SELENON: variants seen among roughly 807,000 people sequenced by gnomAD.
The protein encoded by SELENON is selenoprotein N, 1.
A neutral mutation model predicts 59.5 loss-of-function variants in SELENON; 44 were observed. The ratio of observed to expected loss-of-function variants is 0.74; its 90% CI spans 0.58 to 0.95. The LOEUF (loss-of-function observed/expected upper bound fraction) is 0.95, where lower values mean the gene tolerates loss of function less well. Ranked by LOEUF, SELENON falls within the 40% of genes least tolerant of loss-of-function variation. The pLI, the probability that SELENON is intolerant of heterozygous loss-of-function variation, is 0.00. For synonymous variants in SELENON, 320 were observed against 305.6 expected (o/e 1.05, Z -0.49); for missense variants, 674 against 721.4 (o/e 0.93, Z 0.75).
In SELENON at chr1:25,807,350, TA is replaced by T. The variant is rs1160169609; in HGVS notation, c.538-1227del. 5.9e-5 allele frequency among the ~76,000 whole-genome samples: 9 copies of T among 152,202 alleles called. No homozygotes were observed. The highest frequency in any genetic ancestry group is 2.2e-4 in the African/African-American group (9 of 41,456). Reference sequence around the variant, plus strand: ...ACATTTTGTGGAATGAACAAATGAATAAACGTGTTCTTCTCAGCCAAGGAGA... The same window carrying T: ...ACATTTTGTGGAATGAACAAATGAATAACGTGTTCTTCTCAGCCAAGGAGA... On this transcript the variant is annotated intron_variant, in intron 4 of 12. Transcript: ENST00000361547. The surrounding 1 kb of genome is among the most constrained non-coding windows in gnomAD (Gnocchi z 4.5).
rs1303047006 is a variant in SELENON at position 25,811,676 on chromosome 1, T to C, written c.1093-15T>C. The C allele has an allele frequency of 4.3e-6, 7 of 1,611,562 alleles. No individual in the cohort carries two copies. Among genetic ancestry groups the C allele is most frequent in the South Asian group, 1.1e-5 (1 of 90,900 alleles). The stretch of plus-strand genomic sequence containing the variant: ...CATCTCTGAGCCTTCCCCCTACCAC[T>C]GACCTCTGGCCCAGATGGAGCTGGA... On this transcript the variant is annotated splice_polypyrimidine_tract_variant and intron_variant, in intron 8 of 12. Transcript: ENST00000361547.
chr1:25,806,852 C>T (rs956514339), intron 4 of SELENON, among the ~76,000 whole-genome samples: 5 of 138,644 alleles, frequency 3.6e-5, no homozygotes, highest in African/African-American at 5.4e-5. Flanking sequence ...GACGGAGTCT[C>T]GCTCTGTCGC....
chr1:25,802,871 G>T (rs955820823), intron 3 of SELENON, among the ~76,000 whole-genome samples: 1 of 152,164 alleles, frequency 6.6e-6, no homozygotes, highest in African/African-American at 2.4e-5. Context: ...TACCCAGATT[G>T]CCTGGTGTAA....
chr1:25,804,773 C>T (rs1488549903), intron 3 of SELENON, among the ~76,000 whole-genome samples: 1 of 151,782 alleles, frequency 6.6e-6, no homozygotes, highest in Non-Finnish European at 1.5e-5. Flanking sequence ...ACTCCGGTTC[C>T]CTTGACTGAG....
At chr1:25,806,393 G>A (rs762997991) in intron 4 of SELENON, among the ~76,000 whole-genome samples, 14 of 152,240 alleles carry the variant, frequency 9.2e-5, no homozygotes, top group Non-Finnish European at 1.3e-4. Flanking sequence ...TGTAGAATGG[G>A]GAGAAGTGGG....
intron 5 of SELENON, 81 bp from the exon 5 acceptor site, chr1:25,808,945 G>A (rs951335306): frequency 1.5e-5 from 24 of 1,609,098 alleles, no homozygotes; most frequent in South Asian, 9.9e-5. Flanking sequence ...CTGGGCCGTC[G>A]GGTCTGGGCT....
rs889870201 is a variant in SELENON, at chr1:25,801,084, C to G, written c.225C>G (p.Leu75=). The change falls in exon 2 of 13, where the codon CTC becomes CTG. Residue 75 remains leucine (L), a synonymous_variant. Coordinates refer to ENST00000361547, the MANE Select transcript of SELENON (RefSeq NM_020451.3). ...CCCTGGGGACAGATGGCCTTTTTCT[C>G]TTTTCCTCCTTGGACACTGACGGGG... 1.2e-6 allele frequency: 2 copies of G among 1,614,198 alleles called. No homozygotes were observed. The highest frequency in any genetic ancestry group is 1.7e-5 in the Admixed American group (1 of 60,028).
chr1:25,800,286 A>G lies in SELENON; in HGVS notation c.56A>G (p.Gln19Arg). 1 of 985,320 alleles carries G rather than the reference A, an allele frequency of 1.0e-6. No individual in the cohort carries two copies. The highest frequency in any genetic ancestry group is 4.4e-5 in the South Asian group (1 of 22,938). The allele number at this position is 985,320 out of a possible 1,614,324, so 61.0% of individuals were successfully genotyped here. The change falls in exon 1 of 13, where the codon CAG becomes CGG. Residue 19 changes from glutamine to arginine, a missense_variant. Coordinates refer to ENST00000361547, the MANE Select transcript of SELENON (RefSeq NM_020451.3). ...CCGCCCAGCCCCGGCCCCGCCGCGC[A>G]GCCTCCCGCGCCACCGCGCCGCCGC...
At position 25,808,007 on chromosome 1, in the gene SELENON, C is replaced by T. The variant is rs530158935; in HGVS notation, c.538-573C>T. Among the ~76,000 whole-genome samples, 6 of 152,314 alleles carry T rather than the reference C, an allele frequency of 3.9e-5. No homozygotes were observed. In the South Asian group the frequency reaches 1.2e-3, roughly 32 times the overall value. On this transcript the variant is annotated intron_variant, in intron 4 of 12. Transcript: ENST00000361547. ...CCCTGTGGTCTCATCCTGCTCTTGACCCTAGAGATTTCACCTCAAACATGA... is the reference window on the plus strand; with the variant it reads ...CCCTGTGGTCTCATCCTGCTCTTGATCCTAGAGATTTCACCTCAAACATGA...
At chr1:25,803,708 G>GTT (rs11410896) in intron 3 of SELENON, among the ~76,000 whole-genome samples, 28,644 of 149,720 alleles carry the variant, frequency 0.19, 3,355 homozygotes, top group Middle Eastern at 0.33. Flanking sequence ...TGTTTTTTTT[G>GTT]TTTTTTTGTT....
Position 25,815,868 on chromosome 1 carries a change from C to A in SELENON, c.*150C>A. 1 of 759,824 alleles carries A rather than the reference C, an allele frequency of 1.3e-6. No homozygotes were observed. The highest frequency in any genetic ancestry group is 2.1e-6 in the Non-Finnish European group (1 of 468,068). 47.1% of individuals were successfully genotyped at this position (759,824 alleles called of 1,614,324 possible). ...GATCCACTGAGGGTGGCCACCACAG[C>A]CTTGGCTCCATGGTGGCGGGTAGAC... On this transcript the variant is annotated 3_prime_UTR_variant, in exon 13 of 13. Transcript: ENST00000361547.
In SELENON at chr1:25,807,172, T is replaced by C. The variant is rs2047914999; in HGVS notation, c.538-1408T>C. On this transcript the variant is annotated intron_variant, in intron 4 of 12. Transcript: ENST00000361547. The surrounding 1 kb of genome is among the most constrained non-coding windows in gnomAD (Gnocchi z 4.5). The stretch of plus-strand genomic sequence containing the variant: ...CTTTCTTAACCTCATCGCTGCAGGT[T>C]CAGGGAGGGACAGAAATTCCAAGGA... Among the ~76,000 whole-genome samples the C allele has an allele frequency of 6.6e-6, 1 of 152,166 alleles. No homozygotes were observed. Among genetic ancestry groups the C allele is most frequent in the East Asian group, 1.9e-4 (1 of 5,154 alleles).
At position 25,818,013 on chromosome 1, in the gene SELENON, G is replaced by A. The variant is rs2048027354; in HGVS notation, c.*2295G>A. ...TGCGAGCCCTTCTCCTGCTGCTCTG[G>A]GAGGGCCAGTTCCACATTGAGCCAG... On this transcript the variant is annotated 3_prime_UTR_variant, in exon 13 of 13. Transcript: ENST00000361547. 6.6e-6 allele frequency: 1 copy of A among 152,386 alleles called. No homozygotes were observed. The highest frequency in any genetic ancestry group is 6.5e-5 in the Admixed American group (1 of 15,282). 9.4% of individuals were successfully genotyped at this position (152,386 alleles called of 1,614,324 possible).
Position 25,807,783 on chromosome 1 carries a change from GA to G in SELENON, c.538-795del, listed in dbSNP as rs1422028698. ...GCCAGGGAGGTGGCGACAGAAGAGG[GA>G]ATCTGCTGTTCCCCAAATGCTGGCC... On this transcript the variant is annotated intron_variant, in intron 4 of 12. Coordinates refer to ENST00000361547, the MANE Select transcript of SELENON (RefSeq NM_020451.3). The surrounding 1 kb of genome is among the most constrained non-coding windows in gnomAD (Gnocchi z 4.5). 6.6e-6 allele frequency among the ~76,000 whole-genome samples: 1 copy of G among 152,238 alleles called. No individual in the cohort carries two copies. The highest frequency in any genetic ancestry group is 1.5e-5 in the Non-Finnish European group (1 of 68,042).
Position 25,800,349 on chromosome 1 carries a change from C to A in SELENON, c.119C>A (p.Ala40Asp). ...GCGCTGCTCGGAGCCCTGCTGGCCGCCGCCGCTGCCGCCGCCGTCCGGGTC... is the reference window on the plus strand; with the variant it reads ...GCGCTGCTCGGAGCCCTGCTGGCCGACGCCGCTGCCGCCGCCGTCCGGGTC... The change falls in exon 1 of 13, where the codon GCC (alanine) becomes GAC (aspartate). Residue 40 changes from alanine to aspartate, a missense_variant. By Grantham distance (126) the Ala-to-Asp change is moderately radical (BLOSUM62 -2). Coordinates refer to ENST00000361547, the MANE Select transcript of SELENON (RefSeq NM_020451.3). The A allele has an allele frequency of 9.7e-7, 1 of 1,034,932 alleles. No individual in the cohort carries two copies. The highest frequency in any genetic ancestry group is 1.2e-6 in the Non-Finnish European group (1 of 863,864). 64.1% of individuals were successfully genotyped at this position (1,034,932 alleles called of 1,614,324 possible). A position where few individuals can be genotyped will look rare whatever the true frequency, so the allele number is the denominator to read the frequency against.
chr1:25,806,135 G>A (rs2047903680), intron 4 of SELENON, among the ~76,000 whole-genome samples: 1 of 152,220 alleles, frequency 6.6e-6, no homozygotes, highest in Non-Finnish European at 1.5e-5. Flanking sequence ...CACGAACAGA[G>A]GCCTGAAGGC....
intron 3 of SELENON, among the ~76,000 whole-genome samples, chr1:25,802,756 TA>T (rs2047871189): frequency 6.6e-6 from 1 of 152,242 alleles, no homozygotes. Context: ...TAATGAATTA[TA>T]AAACGCTTCT....
In SELENON at chr1:25,808,638, C is replaced by T. The variant is rs2047929987; in HGVS notation, c.596C>T (p.Ala199Val). The T allele has an allele frequency of 3.1e-6, 5 of 1,613,850 alleles. No homozygotes were observed. Among genetic ancestry groups the T allele is most frequent in the Non-Finnish European group, 4.2e-6 (5 of 1,179,960 alleles). Residue 199 changes from alanine to valine, a missense_variant, in exon 5 of 13, where the codon GCA becomes GTA. By Grantham distance (64) the Ala-to-Val change is moderately conservative (BLOSUM62 0). Coordinates refer to ENST00000361547, the MANE Select transcript of SELENON (RefSeq NM_020451.3). ...TGGACAGCCGCCGCCTCACCAAGTG[C>T]AGTGTTTGCCACCCGCCACTTCCAG...
chr1:25,814,166 C>CA lies in SELENON; in HGVS notation c.1592dup (p.Asn531LysfsTer?). 1 of 1,613,712 alleles carries CA rather than the reference C, an allele frequency of 6.2e-7. No homozygotes were observed. The highest frequency in any genetic ancestry group is 8.5e-7 in the Non-Finnish European group (1 of 1,179,746). On this transcript the variant is annotated frameshift_variant, in exon 12 of 13. Coordinates refer to ENST00000361547, the MANE Select transcript of SELENON (RefSeq NM_020451.3). LOFTEE classifies it high-confidence loss of function. The stretch of plus-strand genomic sequence containing the variant: ...CCGTGGAGATGATGATCTGCCTGCC[C>CA]AATGGCACCGTGGTAGGCACCCCCA...
Sources: allele counts gnomAD v4.1 joint callset (sites outside exome capture counted in the v4.1 genomes callset), GRCh38; gene constraint gnomAD v4.1.1; non-coding constraint Gnocchi (gnomAD v3.1); transcripts MANE v1.5; gene names NCBI Gene and HGNC (gene_info 2026-07-23, HGNC 2026-07-21).